SSBP2: variants seen among roughly 807,000 people sequenced by gnomAD.
SSBP2 encodes the protein single stranded DNA binding protein 2, also known as single-stranded DNA-binding protein 2.
Under a neutral mutation model 61.8 loss-of-function variants are expected in SSBP2, and 17 were observed. The observed-to-expected ratio is 0.28, with a 90% CI of 0.19 to 0.41. The LOEUF is 0.41. Ranked by LOEUF, SSBP2 falls within the 10% of genes least tolerant of loss-of-function variation. The pLI is 1.00. For missense variants in SSBP2, 310 were observed against 458.7 expected (o/e 0.68, Z 2.96); for synonymous variants, 139 against 141.3 (o/e 0.98, Z 0.12).
chr5:81,693,969 G>A (rs1753407862), intron 1 of SSBP2, among the ~76,000 whole-genome samples: 1 of 152,044 alleles, frequency 6.6e-6, no homozygotes, highest in Admixed American at 6.6e-5. Context: ...AAAATATGGT[G>A]CATATACAGA....
intron 16 of SSBP2, among the ~76,000 whole-genome samples, chr5:81,420,740 T>G (rs934142603): frequency 6.6e-5 from 10 of 152,194 alleles, no homozygotes; most frequent in African/African-American, 2.2e-4. Flanking sequence ...ATATTTCCCC[T>G]GGAAAGCATC....
intron 6 of SSBP2, among the ~76,000 whole-genome samples, chr5:81,475,389 G>A (rs1765517701): frequency 6.6e-6 from 1 of 152,100 alleles, no homozygotes; most frequent in African/African-American, 2.4e-5. Context: ...TACATGGCCA[G>A]ATCAGAACTG....
At chr5:81,539,011 CAT>C (rs763571018) in intron 4 of SSBP2, among the ~76,000 whole-genome samples, 6 of 152,194 alleles carry the variant, frequency 3.9e-5, no homozygotes, top group Non-Finnish European at 8.8e-5. Flanking sequence ...AAATATATTT[CAT>C]AAGGCTTTAA....
chr5:81,546,361 T>C (rs1771729000), intron 4 of SSBP2, among the ~76,000 whole-genome samples: 1 of 152,204 alleles, frequency 6.6e-6, no homozygotes, highest in South Asian at 2.1e-4. Flanking sequence ...TTGATTATTC[T>C]TTACCTCAAC....
chr5:81,576,567 C>A (rs1408426318), intron 4 of SSBP2, among the ~76,000 whole-genome samples: 1 of 151,954 alleles, frequency 6.6e-6, no homozygotes, highest in African/African-American at 2.4e-5. Context: ...CTTACTTAAC[C>A]AACTAAAAGC....
chr5:81,523,107 A>G (rs1206797163), intron 4 of SSBP2, among the ~76,000 whole-genome samples: 4 of 152,044 alleles, frequency 2.6e-5, no homozygotes, highest in Non-Finnish European at 5.9e-5. Flanking sequence ...GGTGATTTCT[A>G]CAAAAGGCGA....
intron 4 of SSBP2, among the ~76,000 whole-genome samples, chr5:81,592,084 G>C (rs1482761330): frequency 6.6e-6 from 1 of 152,220 alleles, no homozygotes; most frequent in Non-Finnish European, 1.5e-5. Flanking sequence ...CCCTTTCCTA[G>C]TCAAAGAAAG....
At chr5:81,628,533 A>G (rs1382941667) in intron 3 of SSBP2, among the ~76,000 whole-genome samples, 1 of 152,210 alleles carries the variant, frequency 6.6e-6, no homozygotes, top group African/African-American at 2.4e-5. Flanking sequence ...AAATTGCACA[A>G]GTAAAAAAAC....
chr5:81,713,457 A>G (rs1161787672), intron 1 of SSBP2, among the ~76,000 whole-genome samples: 1 of 152,170 alleles, frequency 6.6e-6, no homozygotes, highest in Non-Finnish European at 1.5e-5. Flanking sequence ...AAAAAAGAAA[A>G]GAATAAAGAA....
At chr5:81,683,592 A>G (rs950075464) in intron 1 of SSBP2, among the ~76,000 whole-genome samples, 5 of 152,232 alleles carry the variant, frequency 3.3e-5, no homozygotes, top group Admixed American at 6.5e-5. Flanking sequence ...TTTAGATTCA[A>G]CACAAAACAT....
At chr5:81,665,901 G>C (rs1390650116) in intron 1 of SSBP2, among the ~76,000 whole-genome samples, 1 of 152,144 alleles carries the variant, frequency 6.6e-6, no homozygotes, top group Non-Finnish European at 1.5e-5. Context: ...GTGATTCCTA[G>C]GTGACAAAAT....
chr5:81,750,974 C>A lies in SSBP2; in HGVS notation c.62+7G>T. ...GGCGGAGGTGGGTGAGAAGCGGAGA[C>A]ACTTACTTCTCCCGGGCCTGGCTGT... On this transcript the variant is annotated splice_region_variant and intron_variant, in intron 1 of 16. Coordinates refer to ENST00000320672, the MANE Select transcript of SSBP2 (RefSeq NM_012446.5). 6.3e-7 allele frequency: 1 copy of A among 1,590,680 alleles called. No individual in the cohort carries two copies. The highest frequency in any genetic ancestry group is 8.6e-7 in the Non-Finnish European group (1 of 1,168,528).
At chr5:81,480,739 T>C (rs1344775456) in intron 6 of SSBP2, among the ~76,000 whole-genome samples, 4 of 152,218 alleles carry the variant, frequency 2.6e-5, no homozygotes, top group Non-Finnish European at 5.9e-5. Context: ...GATAACAATG[T>C]TTATTGCATC....
chr5:81,636,273 A>C (rs1347358703), intron 3 of SSBP2, among the ~76,000 whole-genome samples: 4 of 152,166 alleles, frequency 2.6e-5, no homozygotes, highest in Non-Finnish European at 4.4e-5. Flanking sequence ...TGTTTAAGCC[A>C]CCTATTCTAC....
At chr5:81,730,985 T>C (rs1756225385) in intron 1 of SSBP2, among the ~76,000 whole-genome samples, 1 of 152,204 alleles carries the variant, frequency 6.6e-6, no homozygotes, top group Non-Finnish European at 1.5e-5. Flanking sequence ...AGTTCAGCAG[T>C]GTTAAGTATA....
intron 14 of SSBP2, among the ~76,000 whole-genome samples, chr5:81,438,348 CAAAAAAA>C (rs11303330): frequency 1.9e-5 from 2 of 104,812 alleles, no homozygotes; most frequent in Admixed American, 9.7e-5. Flanking sequence ...GAGACTGTCT[CAAAAAAA>C]AAAAAAAAAA....
At chr5:81,431,843 C>T (rs1428704028) in intron 15 of SSBP2, among the ~76,000 whole-genome samples, 4 of 152,166 alleles carry the variant, frequency 2.6e-5, no homozygotes, top group African/African-American at 9.7e-5. Context: ...CACTTGGCCT[C>T]CCAAAGTGCT....
intron 4 of SSBP2, among the ~76,000 whole-genome samples, chr5:81,544,174 T>C (rs1053941832): frequency 5.9e-5 from 9 of 152,178 alleles, no homozygotes; most frequent in South Asian, 2.1e-4. Context: ...CTCAGCCTCC[T>C]GAGTAGCTGG....
intron 1 of SSBP2, among the ~76,000 whole-genome samples, chr5:81,727,005 T>C (rs1017803310): frequency 6.6e-5 from 10 of 152,170 alleles, no homozygotes; most frequent in Admixed American, 2.6e-4. Flanking sequence ...TCCAGCGTCA[T>C]TGGGAAAGGA....
Sources: gnomAD v4.1 joint callset for allele counts (sites outside exome capture counted in the v4.1 genomes callset) on GRCh38, gnomAD v4.1.1 for gene constraint, MANE v1.5 for transcripts, NCBI Gene and HGNC (gene_info 2026-07-23, HGNC 2026-07-21) for gene names.